Variants in CLMN observed in about 807,000 individuals in gnomAD.
CLMN encodes calmin (calponin-like, transmembrane).
CLMN carries 57 observed loss-of-function variants against 92.7 expected under a neutral mutation model. That is an observed-to-expected ratio of 0.61 (90% CI 0.50 to 0.77). The LOEUF (loss-of-function observed/expected upper bound fraction) is 0.77, where lower values mean the gene tolerates loss of function less well. Among genes scored for constraint, CLMN ranks in the 30% least tolerant of loss-of-function variants. The pLI, the probability that CLMN is intolerant of heterozygous loss-of-function variation, is 0.00. For missense variants in CLMN, 1,158 were observed against 1,237.5 expected (o/e 0.94, Z 0.96); for synonymous variants, 466 against 470.6 (o/e 0.99, Z 0.13).
At position 95,259,032 on chromosome 14, in the gene CLMN, TGTGTG is replaced by T. The variant is rs1250405998; in HGVS notation, c.83-28904_83-28900del. 8.6e-5 allele frequency among the ~76,000 whole-genome samples: 13 copies of T among 150,502 alleles called. No individual in the cohort carries two copies. Among genetic ancestry groups the T allele is most frequent in the East Asian group, 1.9e-4 (1 of 5,160 alleles). ...ATGTGTGATATGTGTTGTGTGTGTT[TGTGTG>T]GTGTGGTGTGTGGAGAATGTGTTTG... On this transcript the variant is annotated intron_variant, in intron 1 of 12. Coordinates refer to ENST00000298912, the MANE Select transcript of CLMN (RefSeq NM_024734.4). The surrounding 1 kb of genome is among the most constrained non-coding windows in gnomAD (Gnocchi z 4.3).
intron 1 of CLMN, among the ~76,000 whole-genome samples, chr14:95,299,844 C>G (rs1900969191): frequency 6.6e-6 from 1 of 152,202 alleles, no homozygotes; most frequent in Admixed American, 6.5e-5. Flanking sequence ...TCCATTAGAA[C>G]TAGCTCAATA....
rs1896397614 is a variant in CLMN, at chr14:95,184,543, TGGGA to T, written c.*7017_*7020del. ...TTTGGCATGTTGCTCCAGCCCTGGC[TGGGA>T]GGAACTGCTTGCTTGATGTGTTCTC... On this transcript the variant is annotated 3_prime_UTR_variant, in exon 13 of 13. Transcript: ENST00000298912. The T allele has an allele frequency of 6.6e-6, 1 of 152,258 alleles. No homozygotes were observed. Among genetic ancestry groups the T allele is most frequent in the East Asian group, 1.9e-4 (1 of 5,202 alleles). The allele number at this position is 152,258 out of a possible 1,614,324, so 9.4% of individuals were successfully genotyped here. A position where few individuals can be genotyped will look rare whatever the true frequency, so the allele number is the denominator to read the frequency against.
At chr14:95,199,553 C>T (rs12432400) in intron 9 of CLMN, among the ~76,000 whole-genome samples, 4,849 of 152,294 alleles carry the variant, frequency 0.032, 168 homozygotes, top group East Asian at 0.14. Flanking sequence ...TTGTCCCCTA[C>T]ACTGGCAGGC....
In CLMN at chr14:95,256,984, G is replaced by C. The variant is rs189550704; in HGVS notation, c.83-26851C>G. ...ATGATGAATGATGTGTTCTGAGACT[G>C]GTTAAGCCCACGCTCCTTGACAGAC... is the stretch of plus-strand genomic sequence containing the variant. On this transcript the variant is annotated intron_variant, in intron 1 of 12. Coordinates refer to ENST00000298912, the MANE Select transcript of CLMN (RefSeq NM_024734.4). This position sits in a 1 kb window ranked among gnomAD's most constrained non-coding sequence, Gnocchi z 4.9. Among the ~76,000 whole-genome samples the C allele has an allele frequency of 8.4e-4, 128 of 152,340 alleles. 1 individual carries two copies. Among genetic ancestry groups the C allele is most frequent in the African/African-American group, 3.0e-3 (126 of 41,580 alleles).
At chr14:95,304,779 C>T (rs1376350784) in intron 1 of CLMN, among the ~76,000 whole-genome samples, 1 of 152,016 alleles carries the variant, frequency 6.6e-6, no homozygotes, top group African/African-American at 2.4e-5. Flanking sequence ...TCTGCAGCTC[C>T]GAAACCCCCC....
chr14:95,216,057 G>A (rs902218238), intron 4 of CLMN, among the ~76,000 whole-genome samples: 2 of 152,166 alleles, frequency 1.3e-5, no homozygotes, highest in Admixed American at 6.5e-5. Flanking sequence ...TTGCTGCAAA[G>A]ATACTACCTG....
chr14:95,254,697 A>G (rs1275660919), intron 1 of CLMN, among the ~76,000 whole-genome samples: 1 of 152,156 alleles, frequency 6.6e-6, no homozygotes. Flanking sequence ...TCAAGATAGG[A>G]TCTTTTTAAA....
chr14:95,262,293 CA>C (rs1336020898), intron 1 of CLMN, among the ~76,000 whole-genome samples: 1 of 152,182 alleles, frequency 6.6e-6, no homozygotes, highest in Non-Finnish European at 1.5e-5. Flanking sequence ...ACCACTCTGC[CA>C]GCTGTTCTGT....
chr14:95,267,832 T>C (rs980206152), intron 1 of CLMN, among the ~76,000 whole-genome samples: 4 of 152,192 alleles, frequency 2.6e-5, no homozygotes, highest in East Asian at 3.8e-4. Context: ...CAATGGAATA[T>C]TATTCGGCCA....
At chr14:95,192,918 A>C (rs1223972346) in intron 12 of CLMN, 1 of 169,964 alleles carries the variant, frequency 5.9e-6, no homozygotes, top group Non-Finnish European at 1.2e-5. Context: ...ATAAGAGCAA[A>C]AAGGATTATT....
rs201148121 is a variant in CLMN at position 95,203,192 on chromosome 14, A to T, written c.2157T>A (p.Val719=). Residue 719 remains valine (V), a synonymous_variant, in exon 9 of 13, where the codon GTT becomes GTA. Transcript: ENST00000298912. ...DFKPSPPLSK[V]SVIPHDLFYF... Reference sequence around the variant, plus strand: ...AGAAGAGGTCGTGGGGAATGACGGAAACCTTTGAGAGGGGTGGGGAGGGCT... The same window carrying T: ...AGAAGAGGTCGTGGGGAATGACGGATACCTTTGAGAGGGGTGGGGAGGGCT... 1.2e-5 allele frequency: 19 copies of T among 1,613,274 alleles called. No homozygotes were observed. The highest frequency in any genetic ancestry group is 1.7e-4 in the Middle Eastern group (1 of 6,052).
At position 95,189,282 on chromosome 14, in the gene CLMN, A is replaced by T. The variant is rs1896507999; in HGVS notation, c.*2282T>A. 1 of 152,232 alleles carries T rather than the reference A, an allele frequency of 6.6e-6. No individual in the cohort carries two copies. Among genetic ancestry groups the T allele is most frequent in the Non-Finnish European group, 1.5e-5 (1 of 68,038 alleles). 9.4% of individuals were successfully genotyped at this position (152,232 alleles called of 1,614,324 possible). A position where few individuals can be genotyped will look rare whatever the true frequency, so the allele number is the denominator to read the frequency against. Reference sequence around the variant, plus strand: ...TAGAAATGCAAACATAAGAGAGTTGAAAGTGGTTACTTCTAAGCAGCGAGA... The same window carrying T: ...TAGAAATGCAAACATAAGAGAGTTGTAAGTGGTTACTTCTAAGCAGCGAGA... On this transcript the variant is annotated 3_prime_UTR_variant, in exon 13 of 13. Coordinates refer to ENST00000298912, the MANE Select transcript of CLMN (RefSeq NM_024734.4).
At chr14:95,289,490 TAAATAAATAAATAAATAAAC>T (rs1246399000) in intron 1 of CLMN, among the ~76,000 whole-genome samples, 87 of 116,258 alleles carry the variant, frequency 7.5e-4, no homozygotes, top group African/African-American at 1.3e-3. Context: ...AATAAATAAA[TAAATAAATAAATAAATAAAC>T]AAACAAACAA....
chr14:95,255,952 A>G (rs1242516804), intron 1 of CLMN, among the ~76,000 whole-genome samples: 1 of 152,212 alleles, frequency 6.6e-6, no homozygotes, highest in Non-Finnish European at 1.5e-5. Context: ...GTACTAGTAT[A>G]AGCTCTTTGC....
intron 1 of CLMN, among the ~76,000 whole-genome samples, chr14:95,242,425 A>AT (rs1361824717): frequency 1.3e-5 from 2 of 150,558 alleles, no homozygotes; most frequent in African/African-American, 2.4e-5. Context: ...TGCCTGGCTA[A>AT]TTTTTTGTAT....
chr14:95,191,738 G>A lies in CLMN; in HGVS notation c.2841-6C>T, dbSNP rs1261499140. The A allele has an allele frequency of 6.2e-7, 1 of 1,600,648 alleles. No individual in the cohort carries two copies. Among genetic ancestry groups the A allele is most frequent in the East Asian group, 2.2e-5 (1 of 44,542 alleles). On this transcript the variant is annotated splice_polypyrimidine_tract_variant and splice_region_variant and intron_variant, in intron 12 of 12. Coordinates refer to ENST00000298912, the MANE Select transcript of CLMN (RefSeq NM_024734.4). This position sits in a 1 kb window ranked among gnomAD's most constrained non-coding sequence, Gnocchi z 5.3. ...CTCCTGAGCTGTTGGCCTTCCTACA[G>A]AAGAAACACAGAGGAAACGCAGTTA...
At chr14:95,214,567 T>A (rs1275643863) in intron 5 of CLMN, among the ~76,000 whole-genome samples, 1 of 151,984 alleles carries the variant, frequency 6.6e-6, no homozygotes, top group African/African-American at 2.4e-5. Context: ...CCAGGGCTGA[T>A]GTTGGAACTC....
At position 95,226,572 on chromosome 14, in the gene CLMN, TTTC is replaced by T. The variant is rs547134892; in HGVS notation, c.145-2720_145-2718del. 1.3e-3 allele frequency among the ~76,000 whole-genome samples: 194 copies of T among 152,196 alleles called. 2 individuals are homozygous for T. The highest frequency in any genetic ancestry group is 4.3e-3 in the African/African-American group (178 of 41,546). ...GGAGCAGGGTCCAGAAACTTGCATT[TTTC>T]TTCTTCTTCTTTTTTTTTTGAGATG... On this transcript the variant is annotated intron_variant, in intron 2 of 12. Coordinates refer to ENST00000298912, the MANE Select transcript of CLMN (RefSeq NM_024734.4).
At chr14:95,228,045 G>C (rs1191102953) in intron 2 of CLMN, among the ~76,000 whole-genome samples, 1 of 152,208 alleles carries the variant, frequency 6.6e-6, no homozygotes, top group Non-Finnish European at 1.5e-5. Context: ...GCAGGAATTT[G>C]ACCAGGGAGA....
Sources: gnomAD v4.1 joint callset for allele counts (sites outside exome capture counted in the v4.1 genomes callset) on GRCh38, gnomAD v4.1.1 for gene constraint, Gnocchi (gnomAD v3.1) non-coding constraint, MANE v1.5 for transcripts, NCBI Gene and HGNC (gene_info 2026-07-23, HGNC 2026-07-21) for gene names.